The following RNF24 variants were observed in gnomAD, a reference collection of about 807,000 sequenced individuals.
RNF24 encodes ring finger protein 24.
Under a neutral mutation model 20.0 loss-of-function variants are expected in RNF24, and 14 were observed. The observed-to-expected ratio is 0.70, with a 90% CI of 0.46 to 1.10. The LOEUF is 1.10. RNF24 is among the 50% of genes least tolerant of loss of function. The pLI is 0.00. For synonymous variants in RNF24, 45 were observed against 61.1 expected (o/e 0.74, Z 1.23); for missense variants, 124 against 177.6 (o/e 0.70, Z 1.71).
chr20:3,996,476 G>C (rs1250243539), intron 1 of RNF24, among the ~76,000 whole-genome samples: 1 of 152,174 alleles, frequency 6.6e-6, no homozygotes, highest in Non-Finnish European at 1.5e-5. Context: ...GAGGAAGCTA[G>C]AGAATGGTAG....
intron 1 of RNF24, among the ~76,000 whole-genome samples, chr20:4,014,110 T>C (rs1190298455): frequency 6.6e-6 from 1 of 152,050 alleles, no homozygotes; most frequent in African/African-American, 2.4e-5. Flanking sequence ...ATGAGGACAA[T>C]GAAAAAAGGT....
At chr20:3,972,659 GGA>G (rs1978455298) in intron 1 of RNF24, among the ~76,000 whole-genome samples, 1 of 152,002 alleles carries the variant, frequency 6.6e-6, no homozygotes, top group Non-Finnish European at 1.5e-5. Flanking sequence ...CCAGCACTGT[GGA>G]GGGCCGAGGC....
At chr20:3,994,661 T>C (rs1980720982) in intron 1 of RNF24, among the ~76,000 whole-genome samples, 1 of 152,156 alleles carries the variant, frequency 6.6e-6, no homozygotes, top group African/African-American at 2.4e-5. Flanking sequence ...TGACGAGTCT[T>C]TGGACCCTGT....
intron 1 of RNF24, among the ~76,000 whole-genome samples, chr20:4,001,936 C>T (rs773702344): frequency 1.3e-5 from 2 of 150,698 alleles, no homozygotes; most frequent in Admixed American, 6.6e-5. Flanking sequence ...GACAGTGAGA[C>T]CCTGCCTCTT....
intron 1 of RNF24, among the ~76,000 whole-genome samples, chr20:3,998,317 G>A (rs971503114): frequency 6.6e-6 from 1 of 151,998 alleles, no homozygotes; most frequent in Non-Finnish European, 1.5e-5. Flanking sequence ...GCTCACGCCT[G>A]TAATCCCAGC....
At chr20:3,974,402 T>C in intron 1 of RNF24, 2 of 1,545,798 alleles carry the variant, frequency 1.3e-6, no homozygotes, top group South Asian at 2.4e-5. Context: ...CTGGAAGTTC[T>C]AGCCAGTGCA....
Position 3,934,893 on chromosome 20 carries a change from G to A in RNF24, c.308+101C>T, listed in dbSNP as rs767178583. Reference sequence around the variant, plus strand: ...GCTTTCTGCATTACAGACCAATCATGAAGCCATCAAGCTTGTCTGGCACTG... The same window carrying A: ...GCTTTCTGCATTACAGACCAATCATAAAGCCATCAAGCTTGTCTGGCACTG... On this transcript the variant is annotated intron_variant, in intron 5 of 5. Transcript: ENST00000358395. The surrounding 1 kb of genome is among the most constrained non-coding windows in gnomAD (Gnocchi z 4.0). The A allele has an allele frequency of 1.0e-5, 9 of 878,828 alleles. No homozygotes were observed. The highest frequency in any genetic ancestry group is 1.7e-5 in the Non-Finnish European group (9 of 530,036). 54.4% of individuals were successfully genotyped at this position (878,828 alleles called of 1,614,324 possible). A position where few individuals can be genotyped will look rare whatever the true frequency, so the allele number is the denominator to read the frequency against.
At chr20:3,988,626 A>AT (rs893932471) in intron 1 of RNF24, among the ~76,000 whole-genome samples, 11 of 151,842 alleles carry the variant, frequency 7.2e-5, no homozygotes, top group African/African-American at 2.4e-4. Flanking sequence ...AGTCCAGCTA[A>AT]TTTTTTTATT....
chr20:3,990,586 G>T (rs1359043834), intron 1 of RNF24, among the ~76,000 whole-genome samples: 1 of 152,124 alleles, frequency 6.6e-6, no homozygotes, highest in East Asian at 1.9e-4. Flanking sequence ...GGTCAGTCAT[G>T]GTGGCTCACA....
At chr20:4,008,389 ATT>A (rs1259242147) in intron 1 of RNF24, among the ~76,000 whole-genome samples, 4 of 15,814 alleles carry the variant, frequency 2.5e-4, no homozygotes, top group Admixed American at 1.4e-3. Flanking sequence ...TAATATATAT[ATT>A]ATATATGTAA....
At chr20:3,946,361 G>A (rs2091016818) in intron 3 of RNF24, among the ~76,000 whole-genome samples, 1 of 152,072 alleles carries the variant, frequency 6.6e-6, no homozygotes, top group South Asian at 2.1e-4. Flanking sequence ...CTGCTACTTG[G>A]GAGGCTCACC....
intron 1 of RNF24, among the ~76,000 whole-genome samples, chr20:3,984,255 A>G (rs1979689110): frequency 6.6e-6 from 1 of 151,984 alleles, no homozygotes; most frequent in Non-Finnish European, 1.5e-5. Context: ...AAAAGAAAAG[A>G]AAAGAAAGCT....
intron 1 of RNF24, chr20:3,974,187 A>T (rs1005959501): frequency 8.2e-5 from 64 of 780,280 alleles, no homozygotes; most frequent in Middle Eastern, 2.6e-4. Flanking sequence ...AAATTAAAAA[A>T]CTCCCAGAAA....
intron 2 of RNF24, among the ~76,000 whole-genome samples, chr20:3,955,344 G>T (rs1226472320): frequency 6.6e-6 from 1 of 151,950 alleles, no homozygotes; most frequent in East Asian, 1.9e-4. Context: ...CAAATGTTTC[G>T]CATGTTAATA....
chr20:4,003,632 CCT>C (rs1981596187), intron 1 of RNF24, among the ~76,000 whole-genome samples: 2 of 78,054 alleles, frequency 2.6e-5, no homozygotes, highest in South Asian at 5.4e-4. Flanking sequence ...GTTAGAAACT[CCT>C]TTTTTTTTTT....
intron 1 of RNF24, among the ~76,000 whole-genome samples, chr20:4,010,439 G>C (rs1982370564): frequency 6.6e-6 from 1 of 152,158 alleles, no homozygotes; most frequent in Non-Finnish European, 1.5e-5. Flanking sequence ...CTGTGAAGCT[G>C]TGATTTATGC....
chr20:3,935,951 T>C (rs1173250017), intron 4 of RNF24, among the ~76,000 whole-genome samples: 1 of 152,240 alleles, frequency 6.6e-6, no homozygotes, highest in Non-Finnish European at 1.5e-5. Context: ...CCTTTCTCCC[T>C]ACTTGCTTCC....
intron 1 of RNF24, among the ~76,000 whole-genome samples, chr20:4,008,417 T>C (rs1262923363): frequency 2.4e-5 from 1 of 42,100 alleles, no homozygotes; most frequent in African/African-American, 8.1e-5. Flanking sequence ...ATAATATATA[T>C]ATTATATATA....
intron 1 of RNF24, among the ~76,000 whole-genome samples, chr20:3,976,563 C>T (rs1225649447): frequency 6.6e-6 from 1 of 152,198 alleles, no homozygotes; most frequent in Non-Finnish European, 1.5e-5. Context: ...TGTTCACATA[C>T]AAACCTCAAC....
Sources: allele counts gnomAD v4.1 joint callset (sites outside exome capture counted in the v4.1 genomes callset), GRCh38; gene constraint gnomAD v4.1.1; non-coding constraint Gnocchi (gnomAD v3.1); transcripts MANE v1.5; gene names NCBI Gene and HGNC (gene_info 2026-07-23, HGNC 2026-07-21).